GRID2: variants seen among roughly 807,000 people sequenced by gnomAD.
GRID2 encodes the protein glutamate receptor ionotropic, delta-2.
Under a neutral mutation model 114.8 loss-of-function variants are expected in GRID2, and 33 were observed. The ratio of observed to expected loss-of-function variants is 0.29; its 90% CI spans 0.22 to 0.38. The LOEUF is 0.38. Ranked by LOEUF, GRID2 falls within the 10% of genes least tolerant of loss-of-function variation. GRID2 has a pLI of 1.00. For synonymous variants in GRID2, 505 were observed against 449.9 expected, an observed-to-expected ratio of 1.12 and a Z score of -1.55; for missense variants, 1,184 against 1,257.7, an observed-to-expected ratio of 0.94 and a Z score of 0.89.
At chr4:93,599,431 C>A (rs1309404263) in intron 13 of GRID2, among the ~76,000 whole-genome samples, 1 of 152,078 alleles carries the variant, frequency 6.6e-6, no homozygotes, top group Non-Finnish European at 1.5e-5. Flanking sequence ...GTGAAAAAAG[C>A]TTTTAGATGA....
At chr4:93,354,671 CGT>C (rs35452796) in intron 8 of GRID2, among the ~76,000 whole-genome samples, 48,337 of 129,864 alleles carry the variant, frequency 0.37, 8,762 homozygotes, top group East Asian at 0.53. Flanking sequence ...GTGGCTCATC[CGT>C]GTGTGTGTGT....
intron 9 of GRID2, among the ~76,000 whole-genome samples, chr4:93,419,043 A>ATAGC (rs1410196879): frequency 6.9e-6 from 1 of 145,076 alleles, no homozygotes; most frequent in Non-Finnish European, 1.5e-5. Flanking sequence ...TAAAAAAGAT[A>ATAGC]TAGCTGGTAA....
At chr4:93,517,441 C>G (rs2149493115) in intron 13 of GRID2, among the ~76,000 whole-genome samples, 1 of 152,072 alleles carries the variant, frequency 6.6e-6, no homozygotes, top group Non-Finnish European at 1.5e-5. Context: ...TTCTGATTTA[C>G]TAGAGGGCTA....
intron 2 of GRID2, among the ~76,000 whole-genome samples, chr4:93,058,739 G>A (rs1182266279): frequency 6.6e-6 from 1 of 151,588 alleles, no homozygotes; most frequent in African/African-American, 2.4e-5. Context: ...CATTTTTAAT[G>A]TTTAAAAATA....
At chr4:93,005,891 A>G (rs942704985) in intron 2 of GRID2, among the ~76,000 whole-genome samples, 5 of 152,038 alleles carry the variant, frequency 3.3e-5, no homozygotes, top group Admixed American at 6.6e-5. Flanking sequence ...TATAAATTTC[A>G]TTATCTACCA....
At chr4:92,694,115 G>T (rs966378809) in intron 2 of GRID2, among the ~76,000 whole-genome samples, 5 of 152,176 alleles carry the variant, frequency 3.3e-5, no homozygotes, top group Non-Finnish European at 5.9e-5. Flanking sequence ...AACTCGAAAA[G>T]TGTAAAATGC....
chr4:93,123,810 CA>C (rs1309902781), intron 4 of GRID2, among the ~76,000 whole-genome samples: 1 of 151,974 alleles, frequency 6.6e-6, no homozygotes, highest in Admixed American at 6.6e-5. Context: ...AAATTCTTAC[CA>C]TAACCTGCTG....
intron 14 of GRID2, among the ~76,000 whole-genome samples, chr4:93,633,918 A>G (rs568052994): frequency 2.0e-5 from 3 of 152,266 alleles, no homozygotes; most frequent in South Asian, 2.1e-4. Flanking sequence ...AGCAGCCCCC[A>G]TTGATTGCCC....
chr4:93,102,723 A>T (rs1199909664), intron 3 of GRID2, among the ~76,000 whole-genome samples: 1 of 151,450 alleles, frequency 6.6e-6, no homozygotes, highest in Non-Finnish European at 1.5e-5. Flanking sequence ...GAAAAGAAAT[A>T]TTGGGAAGAT....
chr4:93,683,855 G>A (rs1725832366), intron 14 of GRID2, among the ~76,000 whole-genome samples: 3 of 152,042 alleles, frequency 2.0e-5, no homozygotes, highest in Admixed American at 2.0e-4. Context: ...CAATTGTGGT[G>A]TATTAACTGT....
chr4:92,768,136 C>T (rs1478116040), intron 2 of GRID2, among the ~76,000 whole-genome samples: 3 of 151,902 alleles, frequency 2.0e-5, no homozygotes, highest in Admixed American at 6.6e-5. Context: ...AAATTATTTT[C>T]TTTTTTAACC....
chr4:93,035,070 G>A (rs865968859), intron 2 of GRID2, among the ~76,000 whole-genome samples: 2 of 150,380 alleles, frequency 1.3e-5, no homozygotes, highest in Middle Eastern at 3.6e-3. Flanking sequence ...GAAAGCCTAA[G>A]CTCTCTCCCT....
chr4:93,539,465 A>G (rs796854176), intron 13 of GRID2, among the ~76,000 whole-genome samples: 59 of 152,016 alleles, frequency 3.9e-4, no homozygotes, highest in African/African-American at 1.3e-3. Context: ...TATTCTATTC[A>G]TTTCTATCGA....
intron 2 of GRID2, among the ~76,000 whole-genome samples, chr4:93,068,589 G>A (rs888433081): frequency 3.3e-5 from 5 of 151,928 alleles, no homozygotes; most frequent in Non-Finnish European, 7.4e-5. Flanking sequence ...TAAAGATATA[G>A]GGAAGAGAAT....
At chr4:92,485,350 T>TATATA (rs1560663111) in intron 1 of GRID2, among the ~76,000 whole-genome samples, 11 of 72,666 alleles carry the variant, frequency 1.5e-4, no homozygotes, top group African/African-American at 5.4e-4. Flanking sequence ...ATATATATAG[T>TATATA]GTGTGTGTGT....
chr4:92,958,416 A>G (rs987610742), intron 2 of GRID2, among the ~76,000 whole-genome samples: 1 of 152,068 alleles, frequency 6.6e-6, no homozygotes, highest in African/African-American at 2.4e-5. Context: ...TTCTACATCT[A>G]TTGATACAGT....
In GRID2 at chr4:92,647,071, C is replaced by T. The variant is rs537194471; in HGVS notation, c.244+56785C>T. Reference sequence around the variant, plus strand: ...TGTACAATGATCGGTTAGAGTGGGACTGAGAGGCAATGTTTCCCAATATGT... The same window carrying T: ...TGTACAATGATCGGTTAGAGTGGGATTGAGAGGCAATGTTTCCCAATATGT... On this transcript the variant is annotated intron_variant, in intron 2 of 15. Coordinates refer to ENST00000282020, the MANE Select transcript of GRID2 (RefSeq NM_001510.4). Among the ~76,000 whole-genome samples, 77 of 152,252 alleles carry T rather than the reference C, an allele frequency of 5.1e-4. No homozygotes were observed. The Middle Eastern group carries it at 0.021, about 41-fold the overall frequency.
chr4:92,858,938 C>T (rs115048477), intron 2 of GRID2, among the ~76,000 whole-genome samples: 1,984 of 152,234 alleles, frequency 0.013, 33 homozygotes, highest in African/African-American at 0.045. Context: ...ATACTTTGAA[C>T]ATTGTTGAAA....
intron 2 of GRID2, among the ~76,000 whole-genome samples, chr4:93,077,767 T>G (rs1431834893): frequency 1.3e-5 from 2 of 152,194 alleles, no homozygotes; most frequent in Non-Finnish European, 2.9e-5. Context: ...ATAGGACAGA[T>G]AAGGTGTTGT....
Sources: gnomAD v4.1 joint callset for allele counts (sites outside exome capture counted in the v4.1 genomes callset) on GRCh38, gnomAD v4.1.1 for gene constraint, MANE v1.5 for transcripts, NCBI Gene and HGNC (gene_info 2026-07-23, HGNC 2026-07-21) for gene names.